Variants in CAMTA1 observed in about 807,000 individuals in gnomAD.
CAMTA1 encodes calmodulin-binding transcription activator 1.
CAMTA1 carries 27 observed loss-of-function variants against 170.9 expected under a neutral mutation model. The observed-to-expected ratio is 0.16, with a 90% CI of 0.12 to 0.22. The LOEUF (loss-of-function observed/expected upper bound fraction) is 0.22. Ranked by LOEUF, CAMTA1 falls within the 10% of genes least tolerant of loss-of-function variation. The probability of loss-of-function intolerance (pLI) is 1.00; values close to 1 mark genes in which losing one functional copy is unlikely to be tolerated. For missense variants in CAMTA1, 1,619 were observed against 2,217.2 expected (o/e 0.73, Z 5.42); for synonymous variants, 833 against 891.5 (o/e 0.93, Z 1.17).
Position 7,297,873 on chromosome 1 carries a change from C to CA in CAMTA1, c.438+48248dup, listed in dbSNP as rs1471528313. On this transcript the variant is annotated intron_variant, in intron 5 of 22. Transcript: ENST00000303635. Reference sequence around the variant, plus strand: ...AGCCTCAGATATTTTTGTCTAGTTTCATGATTGTTTACAGCAGGAGGGCAA... The same window carrying CA: ...AGCCTCAGATATTTTTGTCTAGTTTCAATGATTGTTTACAGCAGGAGGGCAA... 4.6e-5 allele frequency among the ~76,000 whole-genome samples: 7 copies of CA among 152,180 alleles called. No homozygotes were observed. In the South Asian group the frequency reaches 1.0e-3, roughly 23 times the overall value.
intron 3 of CAMTA1, among the ~76,000 whole-genome samples, chr1:6,955,037 T>C (rs950518443): frequency 3.0e-4 from 46 of 152,286 alleles, no homozygotes; most frequent in South Asian, 1.2e-3. Flanking sequence ...GGACCTTCAA[T>C]TTTTGTCTGC....
intron 6 of CAMTA1, among the ~76,000 whole-genome samples, chr1:7,603,917 T>G (rs956804631): frequency 1.3e-5 from 2 of 152,160 alleles, no homozygotes; most frequent in African/African-American, 4.8e-5. Flanking sequence ...GTCTGTAAAG[T>G]ATTTTATTTC....
intron 6 of CAMTA1, among the ~76,000 whole-genome samples, chr1:7,576,543 C>A (rs2095195814): frequency 6.6e-6 from 1 of 152,176 alleles, no homozygotes; most frequent in African/African-American, 2.4e-5. Context: ...GTCTAGGAAC[C>A]AGGAAGGGGC....
intron 6 of CAMTA1, among the ~76,000 whole-genome samples, chr1:7,536,973 A>G (rs551920331): frequency 6.6e-6 from 1 of 151,740 alleles, no homozygotes; most frequent in Non-Finnish European, 1.5e-5. Context: ...TCAAGACATC[A>G]CCTGCTCCAG....
intron 3 of CAMTA1, among the ~76,000 whole-genome samples, chr1:6,946,940 G>A (rs1299586694): frequency 6.6e-6 from 1 of 151,546 alleles, no homozygotes; most frequent in African/African-American, 2.4e-5. Context: ...TTTTGTAGCT[G>A]TAGCTCTGAC....
intron 3 of CAMTA1, among the ~76,000 whole-genome samples, chr1:6,931,865 T>C (rs6577395): frequency 0.41 from 62,324 of 152,004 alleles, 13,558 homozygotes; most frequent in Non-Finnish European, 0.49. Flanking sequence ...GGGGGATGCT[T>C]TTGAATTTGG....
chr1:7,725,469 A>T (rs115316691), intron 11 of CAMTA1, among the ~76,000 whole-genome samples: 2,423 of 152,226 alleles, frequency 0.016, 55 homozygotes, highest in African/African-American at 0.044. Context: ...GAAAATGTGC[A>T]CCCAGTTATT....
Position 7,407,895 on chromosome 1 carries a change from T to G in CAMTA1, c.439-59935T>G, listed in dbSNP as rs1033130826. On this transcript the variant is annotated intron_variant, in intron 5 of 22. Transcript: ENST00000303635. Reference sequence around the variant, plus strand: ...TCTTGCATTCTATCCCATTTTTACCTTGGCCTACCCTGCATTCAACGAAGG... The same window carrying G: ...TCTTGCATTCTATCCCATTTTTACCGTGGCCTACCCTGCATTCAACGAAGG... Among the ~76,000 whole-genome samples, 3 of 152,130 alleles carry G rather than the reference T, an allele frequency of 2.0e-5. No individual in the cohort carries two copies. In the East Asian group the frequency reaches 5.8e-4, roughly 29 times the overall value.
At chr1:7,418,530 C>T (rs1053064894) in intron 5 of CAMTA1, among the ~76,000 whole-genome samples, 4 of 152,136 alleles carry the variant, frequency 2.6e-5, no homozygotes, top group African/African-American at 9.7e-5. Flanking sequence ...TCCTCTTGTC[C>T]CCAGGACCTG....
At position 7,468,516 on chromosome 1, in the gene CAMTA1, G is replaced by A. The variant is rs376043008; in HGVS notation, c.510+615G>A. On this transcript the variant is annotated intron_variant, in intron 6 of 22. Coordinates refer to ENST00000303635, the MANE Select transcript of CAMTA1 (RefSeq NM_015215.4). The stretch of plus-strand genomic sequence containing the variant: ...TGCTGAACCAGGGGTGGGTAGGTAC[G>A]GGAGGCCCACCTGGCCTCTTGCCCT... Among the ~76,000 whole-genome samples the A allele has an allele frequency of 1.3e-4, 20 of 152,352 alleles. 1 individual carries two copies. The South Asian group carries it at 3.5e-3, about 27-fold the overall frequency.
At chr1:6,906,271 A>G (rs572432566) in intron 3 of CAMTA1, among the ~76,000 whole-genome samples, 1 of 152,266 alleles carries the variant, frequency 6.6e-6, no homozygotes, top group East Asian at 1.9e-4. Context: ...CTTTCTGGAT[A>G]TAGAGGTGCC....
At chr1:6,959,749 G>A (rs1218961766) in intron 3 of CAMTA1, among the ~76,000 whole-genome samples, 2 of 152,142 alleles carry the variant, frequency 1.3e-5, no homozygotes, top group Non-Finnish European at 2.9e-5. Flanking sequence ...TTGAGGTTAC[G>A]TTGCTCTTGT....
intron 4 of CAMTA1, among the ~76,000 whole-genome samples, chr1:7,101,715 A>G (rs939645205): frequency 2.6e-5 from 4 of 152,210 alleles, no homozygotes; most frequent in Non-Finnish European, 5.9e-5. Flanking sequence ...ACATAGAACC[A>G]TACACGTGCA....
At chr1:7,054,213 G>A (rs955902503) in intron 3 of CAMTA1, among the ~76,000 whole-genome samples, 1 of 152,214 alleles carries the variant, frequency 6.6e-6, no homozygotes, top group African/African-American at 2.4e-5. Context: ...TGTGGGGAGT[G>A]GTGGCTTCCC....
intron 3 of CAMTA1, among the ~76,000 whole-genome samples, chr1:6,994,366 T>C (rs1696865160): frequency 6.6e-6 from 1 of 152,194 alleles, no homozygotes; most frequent in African/African-American, 2.4e-5. Flanking sequence ...TTGCTGGTGG[T>C]GAATTTTCTT....
chr1:7,059,783 A>G (rs1202194551), intron 3 of CAMTA1, among the ~76,000 whole-genome samples: 1 of 152,216 alleles, frequency 6.6e-6, no homozygotes, highest in Admixed American at 6.5e-5. Context: ...AAAATAGAAT[A>G]GAAATGGTGG....
chr1:7,184,154 T>C (rs1015072), intron 4 of CAMTA1, among the ~76,000 whole-genome samples: 91,490 of 151,898 alleles, frequency 0.6, 27,753 homozygotes, highest in African/African-American at 0.61. Context: ...TTCATGTTCT[T>C]GCTTATTCAT....
chr1:7,329,243 G>A (rs578076324), intron 5 of CAMTA1, among the ~76,000 whole-genome samples: 5 of 152,010 alleles, frequency 3.3e-5, no homozygotes, highest in African/African-American at 4.8e-5. Flanking sequence ...AATTATGTTG[G>A]AGTTACAAAA....
At chr1:7,317,711 C>T (rs1677736542) in intron 5 of CAMTA1, among the ~76,000 whole-genome samples, 2 of 152,188 alleles carry the variant, frequency 1.3e-5, no homozygotes, top group African/African-American at 4.8e-5. Flanking sequence ...TGCCCTGTGT[C>T]GGTGACCAGT....
Sources: allele counts gnomAD v4.1 joint callset (sites outside exome capture counted in the v4.1 genomes callset), GRCh38; gene constraint gnomAD v4.1.1; transcripts MANE v1.5; gene names NCBI Gene and HGNC (gene_info 2026-07-23, HGNC 2026-07-21).